The following NELL1 variants were observed in gnomAD, a reference collection of about 807,000 sequenced individuals.
The protein encoded by NELL1 is neural EGFL like 1.
Under a neutral mutation model 107.4 loss-of-function variants are expected in NELL1, and 76 were observed. The ratio of observed to expected loss-of-function variants is 0.71; its 90% CI spans 0.59 to 0.86. The LOEUF (loss-of-function observed/expected upper bound fraction) is 0.86, where lower values mean the gene tolerates loss of function less well. Ranked by LOEUF, NELL1 falls within the 40% of genes least tolerant of loss-of-function variation. The probability of loss-of-function intolerance (pLI) is 0.00; values close to 1 mark genes in which losing one functional copy is unlikely to be tolerated. For synonymous variants in NELL1, 353 were observed against 341.2 expected (o/e 1.03, Z -0.38); for missense variants, 1,024 against 1,005.5 (o/e 1.02, Z -0.25).
intron 13 of NELL1, among the ~76,000 whole-genome samples, chr11:21,179,394 T>C (rs1454897645): frequency 6.6e-6 from 1 of 151,836 alleles, no homozygotes; most frequent in Admixed American, 6.5e-5. Flanking sequence ...CAAAACTCAA[T>C]GGCTTAAAAA....
At chr11:20,793,068 GACAGAAAATATTTTGT>G (rs1186754912) in intron 3 of NELL1, among the ~76,000 whole-genome samples, 1 of 151,800 alleles carries the variant, frequency 6.6e-6, no homozygotes, top group Non-Finnish European at 1.5e-5. Context: ...ATTAGAAAAG[GACAGAAAATATTTTGT>G]ATAGAAAATA....
chr11:21,506,884 C>T (rs1449526079), intron 15 of NELL1, among the ~76,000 whole-genome samples: 1 of 152,136 alleles, frequency 6.6e-6, no homozygotes, highest in Non-Finnish European at 1.5e-5. Context: ...GGAGTCCTTT[C>T]ATTTCTGGTC....
At chr11:20,746,367 A>G (rs1341417586) in intron 2 of NELL1, among the ~76,000 whole-genome samples, 1 of 152,178 alleles carries the variant, frequency 6.6e-6, no homozygotes, top group Non-Finnish European at 1.5e-5. Flanking sequence ...TTTGGGTTCA[A>G]ATCCTTCTCC....
chr11:20,856,927 G>C (rs959542259), intron 4 of NELL1, among the ~76,000 whole-genome samples: 6 of 152,188 alleles, frequency 3.9e-5, no homozygotes, highest in Admixed American at 3.3e-4. Context: ...CTAAGTGTAA[G>C]GTACATGGAT....
chr11:21,099,039 A>G (rs113389262), intron 12 of NELL1, among the ~76,000 whole-genome samples: 4 of 152,158 alleles, frequency 2.6e-5, no homozygotes, highest in African/African-American at 9.6e-5. Flanking sequence ...TAGGACGACC[A>G]ATTCATCTTT....
intron 5 of NELL1, among the ~76,000 whole-genome samples, chr11:20,887,207 G>A (rs1301644555): frequency 6.6e-6 from 1 of 152,156 alleles, no homozygotes; most frequent in African/African-American, 2.4e-5. Flanking sequence ...CAGTTCTGTT[G>A]TATGAATGTA....
chr11:20,721,469 G>A (rs1227372760), intron 2 of NELL1, among the ~76,000 whole-genome samples: 1 of 151,980 alleles, frequency 6.6e-6, no homozygotes, highest in Admixed American at 6.6e-5. Context: ...GCTATAAGGA[G>A]GCTTGCTGTT....
chr11:21,573,769 A>G (rs189295355), intron 19 of NELL1, among the ~76,000 whole-genome samples: 13 of 151,794 alleles, frequency 8.6e-5, no homozygotes, highest in African/African-American at 3.1e-4. Context: ...GAAAAGAAGG[A>G]AGGAAGGGAG....
At chr11:21,269,728 G>C (rs532811690) in intron 14 of NELL1, among the ~76,000 whole-genome samples, 2 of 152,096 alleles carry the variant, frequency 1.3e-5, no homozygotes, top group South Asian at 2.1e-4. Flanking sequence ...TCAAATCATG[G>C]ATCTACATAA....
At chr11:21,186,142 A>G (rs1332524252) in intron 13 of NELL1, among the ~76,000 whole-genome samples, 2 of 151,884 alleles carry the variant, frequency 1.3e-5, no homozygotes, top group East Asian at 3.9e-4. Context: ...CACTGAGCTT[A>G]GGTCACATGA....
At chr11:21,489,389 A>G (rs1294115573) in intron 15 of NELL1, among the ~76,000 whole-genome samples, 1 of 137,924 alleles carries the variant, frequency 7.3e-6, no homozygotes, top group African/African-American at 2.8e-5. Context: ...TCAAAAAAAA[A>G]AAAAAAAAAA....
intron 14 of NELL1, among the ~76,000 whole-genome samples, chr11:21,337,946 T>G (rs1850474371): frequency 6.6e-6 from 1 of 151,606 alleles, no homozygotes; most frequent in African/African-American, 2.4e-5. Context: ...TTTAACAAAT[T>G]ATACATCTAT....
intron 13 of NELL1, among the ~76,000 whole-genome samples, chr11:21,195,318 G>T (rs898621532): frequency 3.3e-5 from 5 of 152,122 alleles, no homozygotes; most frequent in Non-Finnish European, 7.3e-5. Context: ...AGTCTCTTCA[G>T]TGAACCTGAG....
At chr11:20,882,504 T>C (rs1232418774) in intron 4 of NELL1, among the ~76,000 whole-genome samples, 3 of 152,216 alleles carry the variant, frequency 2.0e-5, no homozygotes, top group Non-Finnish European at 4.4e-5. Context: ...TTCTGCATTA[T>C]TTGGAAGGAA....
Position 21,055,117 on chromosome 11 carries a change from A to T in NELL1, c.1301-58472A>T, listed in dbSNP as rs1227754878. Among the ~76,000 whole-genome samples the T allele has an allele frequency of 2.0e-5, 3 of 152,092 alleles. No individual in the cohort carries two copies. In the South Asian group the frequency reaches 6.2e-4, roughly 31 times the overall value. On this transcript the variant is annotated intron_variant, in intron 12 of 19. Transcript: ENST00000357134. ...ATAGTTGATCAAATGTACCAGAACTACTTATTAAATAATCCTAATTTTATT... is the reference window on the plus strand; with the variant it reads ...ATAGTTGATCAAATGTACCAGAACTTCTTATTAAATAATCCTAATTTTATT...
chr11:20,870,843 A>T (rs561069091), intron 4 of NELL1, among the ~76,000 whole-genome samples: 1 of 152,362 alleles, frequency 6.6e-6, no homozygotes, highest in South Asian at 2.1e-4. Flanking sequence ...GATAGCTGGA[A>T]AAAATAAAAA....
At chr11:20,841,319 G>GTTTTTT (rs397772940) in intron 3 of NELL1, among the ~76,000 whole-genome samples, 1 of 123,532 alleles carries the variant, frequency 8.1e-6, no homozygotes. Flanking sequence ...CTCTGCTCAT[G>GTTTTTT]TTTTTTTTTT....
At chr11:20,991,846 A>G (rs917183881) in intron 12 of NELL1, among the ~76,000 whole-genome samples, 3 of 152,188 alleles carry the variant, frequency 2.0e-5, no homozygotes, top group African/African-American at 7.2e-5. Context: ...ATTTGGCAGA[A>G]GGAAATTAAA....
intron 2 of NELL1, among the ~76,000 whole-genome samples, chr11:20,692,246 CATTA>C (rs1307170529): frequency 6.7e-6 from 1 of 149,734 alleles, no homozygotes; most frequent in African/African-American, 2.5e-5. Context: ...CTCCTGGATT[CATTA>C]ATTTTTTGAA....
Sources: allele counts gnomAD v4.1 joint callset (sites outside exome capture counted in the v4.1 genomes callset), GRCh38; gene constraint gnomAD v4.1.1; transcripts MANE v1.5; gene names NCBI Gene and HGNC (gene_info 2026-07-23, HGNC 2026-07-21).